CADM2: variants seen among roughly 807,000 people sequenced by gnomAD.
CADM2 encodes the protein immunoglobulin superfamily member 4D.
CADM2 carries 12 observed loss-of-function variants against 49.8 expected under a neutral mutation model. That is an observed-to-expected ratio of 0.24 (90% CI 0.15 to 0.39). CADM2 has a LOEUF of 0.39. Ranked by LOEUF, CADM2 falls within the 10% of genes least tolerant of loss-of-function variation. The pLI is 1.00. For missense variants in CADM2, 378 were observed against 492.3 expected, an observed-to-expected ratio of 0.77 and a Z score of 2.20; for synonymous variants, 214 against 175.4, an observed-to-expected ratio of 1.22 and a Z score of -1.74.
chr3:85,549,789 AT>A (rs71617942), intron 1 of CADM2, among the ~76,000 whole-genome samples: 97 of 134,806 alleles, frequency 7.2e-4, no homozygotes, highest in East Asian at 1.1e-3. Context: ...ATGCTGGGCT[AT>A]TTTTTTTTTT....
chr3:85,017,627 C>T (rs559142870), intron 1 of CADM2, among the ~76,000 whole-genome samples: 1 of 152,248 alleles, frequency 6.6e-6, no homozygotes, highest in South Asian at 2.1e-4. Flanking sequence ...ATCCTGCCAA[C>T]CACGCTTTCA....
chr3:85,865,105 C>G (rs984477045), intron 3 of CADM2, among the ~76,000 whole-genome samples: 2 of 152,204 alleles, frequency 1.3e-5, no homozygotes, highest in African/African-American at 4.8e-5. Context: ...GTTCTCACTG[C>G]TACAGGCCTG....
intron 5 of CADM2, among the ~76,000 whole-genome samples, chr3:85,906,896 C>T (rs1716878110): frequency 6.6e-6 from 1 of 152,164 alleles, no homozygotes; most frequent in Non-Finnish European, 1.5e-5. Context: ...TTGACATTTC[C>T]TCTAAGACAA....
At chr3:85,379,953 G>A (rs2033807908) in intron 1 of CADM2, among the ~76,000 whole-genome samples, 1 of 151,970 alleles carries the variant, frequency 6.6e-6, no homozygotes, top group African/African-American at 2.4e-5. Context: ...ACGCAAGAAA[G>A]CTTTAGCAAA....
intron 1 of CADM2, among the ~76,000 whole-genome samples, chr3:85,102,944 A>G (rs1462550305): frequency 2.6e-5 from 4 of 152,170 alleles, no homozygotes; most frequent in African/African-American, 7.2e-5. Flanking sequence ...AAGGTAACCT[A>G]AGACACATTT....
intron 1 of CADM2, among the ~76,000 whole-genome samples, chr3:85,076,698 A>G (rs1487786375): frequency 2.0e-5 from 3 of 151,130 alleles, no homozygotes; most frequent in Admixed American, 2.0e-4. Context: ...TCGGCTGGGC[A>G]TGGTGGTTCA....
intron 1 of CADM2, among the ~76,000 whole-genome samples, chr3:85,230,811 G>T (rs1335807124): frequency 6.6e-6 from 1 of 151,984 alleles, no homozygotes; most frequent in Non-Finnish European, 1.5e-5. Context: ...ATAAGCAATA[G>T]CCTAGTGTCC....
chr3:86,028,338 A>G (rs1281740399), intron 8 of CADM2, among the ~76,000 whole-genome samples: 1 of 152,168 alleles, frequency 6.6e-6, no homozygotes, highest in Non-Finnish European at 1.5e-5. Flanking sequence ...TTTCCAGTAA[A>G]TGAAAACACA....
intron 1 of CADM2, among the ~76,000 whole-genome samples, chr3:85,314,450 G>A (rs1159779736): frequency 6.6e-6 from 1 of 151,054 alleles, no homozygotes; most frequent in Non-Finnish European, 1.5e-5. Context: ...GATAAACTGT[G>A]CTATTTAATA....
At position 85,874,571 on chromosome 3, in the gene CADM2, T is replaced by C. The variant is rs575162359; in HGVS notation, c.239-8720T>C. Among the ~76,000 whole-genome samples, 1,389 of 152,234 alleles carry C rather than the reference T, an allele frequency of 9.1e-3. 13 individuals carry two copies. Among genetic ancestry groups the C allele is most frequent in the Middle Eastern group, 0.045 (13 of 292 alleles). On this transcript the variant is annotated intron_variant, in intron 3 of 9. Coordinates refer to ENST00000383699, the MANE Select transcript of CADM2 (RefSeq NM_001167675.2). ...TTTCATATGTCTATGAGGAGACCAA[T>C]ATATTGTAGGTTGTTAAAAAGAATG...
At chr3:85,644,008 T>C (rs2064811406) in intron 1 of CADM2, among the ~76,000 whole-genome samples, 1 of 152,090 alleles carries the variant, frequency 6.6e-6, no homozygotes, top group African/African-American at 2.4e-5. Flanking sequence ...CATTTAACTA[T>C]TGGATATTTA....
chr3:85,757,047 T>C (rs12714637), intron 2 of CADM2, among the ~76,000 whole-genome samples: 2 of 152,022 alleles, frequency 1.3e-5, no homozygotes, highest in Non-Finnish European at 2.9e-5. Context: ...GAAGTGAAAG[T>C]TGATGAATAT....
chr3:85,652,836 G>A (rs2065092373), intron 1 of CADM2, among the ~76,000 whole-genome samples: 2 of 123,596 alleles, frequency 1.6e-5, no homozygotes, highest in South Asian at 5.6e-4. Context: ...GGAGTGCAAT[G>A]ACATGATCTC....
intron 2 of CADM2, among the ~76,000 whole-genome samples, chr3:85,767,191 A>C (rs2069700715): frequency 6.6e-6 from 1 of 152,108 alleles, no homozygotes; most frequent in African/African-American, 2.4e-5. Flanking sequence ...CTTAAAGTTC[A>C]CTCTAGTGAT....
At chr3:85,067,885 T>A (rs1248843532) in intron 1 of CADM2, among the ~76,000 whole-genome samples, 1 of 152,192 alleles carries the variant, frequency 6.6e-6, no homozygotes, top group African/African-American at 2.4e-5. Context: ...CACCTTTGTA[T>A]ACAAGGCAAT....
At chr3:85,848,225 A>G (rs1393071982) in intron 3 of CADM2, among the ~76,000 whole-genome samples, 2 of 152,126 alleles carry the variant, frequency 1.3e-5, no homozygotes, top group African/African-American at 4.8e-5. Flanking sequence ...ACAACTTAAA[A>G]AATGTATATT....
At chr3:85,637,743 A>T (rs2064559378) in intron 1 of CADM2, among the ~76,000 whole-genome samples, 1 of 152,128 alleles carries the variant, frequency 6.6e-6, no homozygotes. Context: ...CTAATAAGTG[A>T]ATGCAAAAGC....
intron 1 of CADM2, among the ~76,000 whole-genome samples, chr3:85,143,682 C>T (rs756713382): frequency 4.6e-5 from 7 of 152,174 alleles, no homozygotes; most frequent in Non-Finnish European, 1.0e-4. Context: ...GGCCTACTTA[C>T]ACCTTCTAAC....
At chr3:85,009,976 A>G (rs2033913209) in intron 1 of CADM2, among the ~76,000 whole-genome samples, 1 of 151,960 alleles carries the variant, frequency 6.6e-6, no homozygotes, top group African/African-American at 2.4e-5. Context: ...CGTTATTTCA[A>G]CTCCCAAAAT....
Sources: allele counts gnomAD v4.1 joint callset (sites outside exome capture counted in the v4.1 genomes callset), GRCh38; gene constraint gnomAD v4.1.1; transcripts MANE v1.5; gene names NCBI Gene and HGNC (gene_info 2026-07-23, HGNC 2026-07-21).